Variants in SORCS2 observed in about 807,000 individuals in gnomAD.
The protein encoded by SORCS2 is VPS10 domain-containing receptor SorCS2.
In SORCS2, 100 loss-of-function variants were observed where a neutral mutation model predicts 141.6. That is an observed-to-expected ratio of 0.71 (90% confidence interval 0.60 to 0.83). The LOEUF (loss-of-function observed/expected upper bound fraction) is 0.83, where lower values mean the gene tolerates loss of function less well. SORCS2 is among the 40% of genes least tolerant of loss of function. The pLI is 0.00. For synonymous variants in SORCS2, 789 were observed against 676.9 expected (o/e 1.17, Z -2.57); for missense variants, 1,646 against 1,560.2 (o/e 1.05, Z -0.93).
intron 1 of SORCS2, among the ~76,000 whole-genome samples, chr4:7,266,036 C>A (rs1271418120): frequency 6.6e-6 from 1 of 152,194 alleles, no homozygotes; most frequent in African/African-American, 2.4e-5. Flanking sequence ...CCTTTCCCGG[C>A]CCTGCACTTC....
chr4:7,571,210 C>T (rs1384418473), intron 3 of SORCS2, among the ~76,000 whole-genome samples: 1 of 152,240 alleles, frequency 6.6e-6, no homozygotes, highest in Non-Finnish European at 1.5e-5. Flanking sequence ...GCTCTCTGCG[C>T]ATCGCCCCTG....
In SORCS2 at chr4:7,621,020, G is replaced by C. The variant is rs555876170; in HGVS notation, c.649-17308G>C. Among the ~76,000 whole-genome samples, 255 of 152,286 alleles carry C rather than the reference G, an allele frequency of 1.7e-3. 2 individuals carry two copies. The highest frequency in any genetic ancestry group is 5.7e-3 in the African/African-American group (238 of 41,550). On this transcript the variant is annotated intron_variant, in intron 3 of 26. Transcript: ENST00000507866. Reference sequence around the variant, plus strand: ...AGGCAGTGGCTGGCAGGCACGGGGGGGTTGCCGGCCATGAGGTCCCAGCTG... The same window carrying C: ...AGGCAGTGGCTGGCAGGCACGGGGGCGTTGCCGGCCATGAGGTCCCAGCTG...
At chr4:7,240,686 CG>C (rs1039323165) in intron 1 of SORCS2, among the ~76,000 whole-genome samples, 7 of 152,082 alleles carry the variant, frequency 4.6e-5, no homozygotes, top group African/African-American at 1.7e-4. Flanking sequence ...TTTCTAGCCC[CG>C]GATCCTGTTG....
intron 2 of SORCS2, among the ~76,000 whole-genome samples, chr4:7,526,402 C>A (rs13142422): frequency 0.09 from 13,677 of 152,228 alleles, 971 homozygotes; most frequent in African/African-American, 0.2. Flanking sequence ...ACTAAGCGAA[C>A]GGAACCAAAT....
intron 3 of SORCS2, among the ~76,000 whole-genome samples, chr4:7,558,099 G>A (rs146561683): frequency 6.6e-6 from 1 of 152,222 alleles, no homozygotes; most frequent in South Asian, 2.1e-4. Flanking sequence ...ACTGCCCACT[G>A]TGCCCCCAGG....
chr4:7,232,407 G>T (rs1315926372), intron 1 of SORCS2, among the ~76,000 whole-genome samples: 1 of 152,170 alleles, frequency 6.6e-6, no homozygotes, highest in Non-Finnish European at 1.5e-5. Context: ...GCGCCTGGAC[G>T]CCGGAGAGCG....
intron 1 of SORCS2, among the ~76,000 whole-genome samples, chr4:7,224,389 G>A (rs1187059414): frequency 1.3e-5 from 2 of 152,218 alleles, no homozygotes; most frequent in East Asian, 1.9e-4. Context: ...GTGAGAGGAG[G>A]CGGGGCTGGG....
At chr4:7,532,920 G>C (rs1427693112) in intron 3 of SORCS2, among the ~76,000 whole-genome samples, 1 of 152,128 alleles carries the variant, frequency 6.6e-6, no homozygotes, top group Non-Finnish European at 1.5e-5. Flanking sequence ...GGAGGTGAGG[G>C]AGACCTGGCC....
intron 2 of SORCS2, among the ~76,000 whole-genome samples, chr4:7,512,692 TCTC>T (rs1732738162): frequency 6.7e-6 from 1 of 148,924 alleles, no homozygotes; most frequent in African/African-American, 2.5e-5. Context: ...CTCAGTCCCA[TCTC>T]CTCCTCACTC....
chr4:7,369,676 C>T (rs6854110), intron 1 of SORCS2, among the ~76,000 whole-genome samples: 46,919 of 152,074 alleles, frequency 0.31, 8,296 homozygotes, highest in East Asian at 0.75. Context: ...GAGTGCTCTC[C>T]CAGTGCATTA....
chr4:7,440,269 C>A (rs906502563), intron 2 of SORCS2, among the ~76,000 whole-genome samples: 1 of 152,142 alleles, frequency 6.6e-6, no homozygotes, highest in Non-Finnish European at 1.5e-5. Flanking sequence ...GAGGAGGGAA[C>A]AAAGAGGGGA....
chr4:7,562,680 A>C (rs1714687773), intron 3 of SORCS2, among the ~76,000 whole-genome samples: 1 of 152,194 alleles, frequency 6.6e-6, no homozygotes. Context: ...ACGTATTCTC[A>C]CACTGCTCTG....
At chr4:7,281,716 C>G (rs1026688312) in intron 1 of SORCS2, among the ~76,000 whole-genome samples, 6 of 152,226 alleles carry the variant, frequency 3.9e-5, no homozygotes, top group Admixed American at 6.5e-5. Context: ...CGCAGGCTCC[C>G]CCATGAGAAT....
At chr4:7,396,138 G>C in intron 1 of SORCS2, 150 bp from the exon 2 acceptor site, 1 of 641,458 alleles carries the variant, frequency 1.6e-6, no homozygotes, top group Non-Finnish European at 2.7e-6. Context: ...GGGTGGCCCA[G>C]AGCCTCTCAG....
intron 15 of SORCS2, among the ~76,000 whole-genome samples, chr4:7,713,055 G>A (rs879701680): frequency 6.6e-6 from 1 of 152,096 alleles, no homozygotes; most frequent in African/African-American, 2.4e-5. Flanking sequence ...AGCTACCTGG[G>A]CTGAGGGTCC....
chr4:7,399,235 C>G (rs1724413848), intron 2 of SORCS2, among the ~76,000 whole-genome samples: 1 of 152,096 alleles, frequency 6.6e-6, no homozygotes, highest in South Asian at 2.1e-4. Flanking sequence ...CAAGATGCTG[C>G]TTCCTCCCAC....
chr4:7,617,870 G>C (rs548120827), intron 3 of SORCS2, among the ~76,000 whole-genome samples: 1 of 152,242 alleles, frequency 6.6e-6, no homozygotes, highest in Admixed American at 6.5e-5. Flanking sequence ...GCCGCCTACC[G>C]GTGCCGCCCC....
intron 2 of SORCS2, among the ~76,000 whole-genome samples, chr4:7,457,156 C>A (rs1384939765): frequency 6.6e-6 from 1 of 152,204 alleles, no homozygotes; most frequent in African/African-American, 2.4e-5. Context: ...ACACGACAGC[C>A]CCCGGACAGA....
chr4:7,499,782 A>G (rs1175904081), intron 2 of SORCS2, among the ~76,000 whole-genome samples: 1 of 151,954 alleles, frequency 6.6e-6, no homozygotes, highest in African/African-American at 2.4e-5. Context: ...TCATTAAATC[A>G]CTGCTTGGCA....
Sources: allele counts gnomAD v4.1 joint callset (sites outside exome capture counted in the v4.1 genomes callset), GRCh38; gene constraint gnomAD v4.1.1; transcripts MANE v1.5; gene names NCBI Gene and HGNC (gene_info 2026-07-23, HGNC 2026-07-21).